Variants in OR51B5 observed in about 807,000 individuals in gnomAD.
OR51B5 encodes olfactory receptor family 51 subfamily B member 5.
For missense variants in OR51B5, 456 were observed against 374.6 expected (o/e 1.22, Z -1.79); for synonymous variants, 186 against 144.8 (o/e 1.28, Z -2.04).
At chr11:5,397,338 G>A (rs1399181618) in intron 1 of OR51B5, among the ~76,000 whole-genome samples, 1 of 152,014 alleles carries the variant, frequency 6.6e-6, no homozygotes, top group Non-Finnish European at 1.5e-5. Context: ...AATCTACAAT[G>A]AACTCAAACA....
rs374308422 is a variant in OR51B5, at chr11:5,389,890, A to G, written n.85-42980T>C. On this transcript the variant is annotated intron_variant and non_coding_transcript_variant, in intron 1 of 4. Coordinates refer to the OR51B5 transcript ENST00000415970. The stretch of plus-strand genomic sequence containing the variant: ...CAGGCCTAATTGTCATCTTCCGGGG[A>G]CCTGTGGCCACTATCCCTATTGTCC... 9.7e-5 allele frequency: 156 copies of G among 1,612,436 alleles called. No homozygotes were observed. The African/African-American group carries it at 1.9e-3, about 19-fold the overall frequency.
chr11:5,412,481 G>A (rs1344936876), intron 1 of OR51B5, among the ~76,000 whole-genome samples: 1 of 152,208 alleles, frequency 6.6e-6, no homozygotes, highest in African/African-American at 2.4e-5. Flanking sequence ...GCCGAAGCAG[G>A]GCGAGGCATT....
intron 1 of OR51B5, among the ~76,000 whole-genome samples, chr11:5,483,985 A>G (rs1174186037): frequency 6.6e-6 from 1 of 152,054 alleles, no homozygotes; most frequent in Non-Finnish European, 1.5e-5. Flanking sequence ...TCCCTAAACA[A>G]AACTTTGCAT....
intron 1 of OR51B5, among the ~76,000 whole-genome samples, chr11:5,412,596 C>G (rs555464021): frequency 2.6e-5 from 4 of 152,218 alleles, no homozygotes; most frequent in Non-Finnish European, 5.9e-5. Context: ...CCGAATACTG[C>G]GCTTTTCCAA....
chr11:5,355,879 G>A (rs114767267), intron 1 of OR51B5, among the ~76,000 whole-genome samples: 1 of 152,082 alleles, frequency 6.6e-6, no homozygotes, highest in Non-Finnish European at 1.5e-5. Flanking sequence ...TACAGACAAG[G>A]TCCTGGAAGT....
intron 1 of OR51B5, among the ~76,000 whole-genome samples, chr11:5,401,809 C>T (rs200508177): frequency 1.0e-4 from 2 of 19,734 alleles, no homozygotes; most frequent in Admixed American, 4.8e-4. Flanking sequence ...CATAATCTTT[C>T]TTTTCTTTCT....
At chr11:5,426,447 T>G (rs1449216748) in intron 1 of OR51B5, among the ~76,000 whole-genome samples, 1 of 152,136 alleles carries the variant, frequency 6.6e-6, no homozygotes, top group African/African-American at 2.4e-5. Context: ...TTATAGTTAT[T>G]AAATATATGA....
intron 1 of OR51B5, among the ~76,000 whole-genome samples, chr11:5,417,928 C>T (rs1247239446): frequency 2.8e-5 from 4 of 140,510 alleles, no homozygotes; most frequent in East Asian, 2.1e-4. Context: ...ACCCAAAGGA[C>T]TATAAATCAT....
chr11:5,419,525 TATTTACACAGC>T (rs889785756), intron 1 of OR51B5, among the ~76,000 whole-genome samples: 2 of 152,188 alleles, frequency 1.3e-5, no homozygotes, highest in Admixed American at 6.5e-5. Flanking sequence ...GAATATCAAT[TATTTACACAGC>T]ATTTATATTG....
chr11:5,342,653 C>G, exon 1 of OR51B5: 1 of 1,613,208 alleles, frequency 6.2e-7, no homozygotes, highest in Non-Finnish European at 8.5e-7. Context: ...GGTCTTGACA[C>G]TATATGTTAT....
intron 1 of OR51B5, among the ~76,000 whole-genome samples, chr11:5,461,053 C>CGGCATGGT (rs2133793566): frequency 6.6e-6 from 1 of 152,222 alleles, no homozygotes; most frequent in Admixed American, 6.5e-5. Context: ...GATTGCCCTA[C>CGGCATGGT]GGCATGGTGG....
intron 1 of OR51B5, chr11:5,422,446 A>G (rs1434129314): frequency 1.9e-6 from 3 of 1,614,090 alleles, no homozygotes. Context: ...CCCTACCCAC[A>G]GTCATGCAGC....
chr11:5,406,538 C>T lies in OR51B5; in HGVS notation n.85-59628G>A, dbSNP rs187015437. On this transcript the variant is annotated intron_variant and non_coding_transcript_variant, in intron 1 of 4. Coordinates refer to the OR51B5 transcript ENST00000415970. ...CTTAAAATTTATACCTTTGGAACTA[C>T]GTTTTATGTTCTCAACAAGACAAAG... Among the ~76,000 whole-genome samples the T allele has an allele frequency of 3.2e-3, 482 of 152,178 alleles. 1 individual carries two copies. The highest frequency in any genetic ancestry group is 5.3e-3 in the Non-Finnish European group (359 of 67,968).
exon 1 of OR51B5, chr11:5,342,590 G>T: frequency 6.3e-7 from 1 of 1,576,426 alleles, no homozygotes; most frequent in Non-Finnish European, 8.6e-7. Flanking sequence ...TGGAGATCAG[G>T]TTCCAATTCT....
intron 1 of OR51B5, among the ~76,000 whole-genome samples, chr11:5,496,825 C>G (rs2133818313): frequency 6.6e-6 from 1 of 152,302 alleles, no homozygotes; most frequent in Non-Finnish European, 1.5e-5. Flanking sequence ...GCTGCCTGCT[C>G]TCAATAGCAC....
At chr11:5,341,304 C>T (rs1193188004), downstream of OR51B5, 1 of 152,156 alleles carries the variant, frequency 6.6e-6, no homozygotes, top group Non-Finnish European at 1.5e-5. Flanking sequence ...GGCCTGCTAC[C>T]TAAGGAGCAG....
At chr11:5,359,210 T>C (rs2133695769) in intron 1 of OR51B5, among the ~76,000 whole-genome samples, 2 of 150,958 alleles carry the variant, frequency 1.3e-5, no homozygotes, top group South Asian at 4.2e-4. Context: ...ATTGTCCCTG[T>C]TTGCAGATGA....
rs1850573733 is a variant in OR51B5, at chr11:5,434,977, G to C, written n.84+70592C>G. On this transcript the variant is annotated intron_variant and non_coding_transcript_variant, in intron 1 of 4. Coordinates refer to the OR51B5 transcript ENST00000415970. Reference sequence around the variant, plus strand: ...CTTTATTTTTCCAGGCAGAGAAAAAGACTGAATGGCAGATAGATTTTTTTT... The same window carrying C: ...CTTTATTTTTCCAGGCAGAGAAAAACACTGAATGGCAGATAGATTTTTTTT... Among the ~76,000 whole-genome samples, 3 of 152,222 alleles carry C rather than the reference G, an allele frequency of 2.0e-5. No homozygotes were observed. The South Asian group carries it at 6.2e-4, about 31-fold the overall frequency.
At chr11:5,374,827 A>T (rs1052800619) in intron 1 of OR51B5, among the ~76,000 whole-genome samples, 6 of 152,158 alleles carry the variant, frequency 3.9e-5, no homozygotes, top group Admixed American at 6.5e-5. Context: ...GAAATATGGG[A>T]CTATGTGAAA....
Sources: allele counts gnomAD v4.1 joint callset (sites outside exome capture counted in the v4.1 genomes callset), GRCh38; gene constraint gnomAD v4.1.1; transcripts MANE v1.5; gene names NCBI Gene and HGNC (gene_info 2026-07-23, HGNC 2026-07-21).